The following PLEKHD1 variants were observed in gnomAD, a reference collection of about 807,000 sequenced individuals.
PLEKHD1 encodes the protein pleckstrin homology and coiled-coil domain containing D1, also known as pleckstrin homology domain-containing family D member 1.
PLEKHD1 carries 51 observed loss-of-function variants against 69.2 expected under a neutral mutation model. The observed-to-expected ratio is 0.74, with a 90% CI of 0.59 to 0.93. The LOEUF (loss-of-function observed/expected upper bound fraction) is 0.93, where lower values mean the gene tolerates loss of function less well. Among genes scored for constraint, PLEKHD1 ranks in the 40% least tolerant of loss-of-function variants. PLEKHD1 has a pLI of 0.00. For missense variants in PLEKHD1, 584 were observed against 641.0 expected (o/e 0.91, Z 0.96); for synonymous variants, 236 against 244.7 (o/e 0.96, Z 0.33).
At chr14:69,497,614 C>T (rs574182447) in intron 1 of PLEKHD1, among the ~76,000 whole-genome samples, 27 of 152,208 alleles carry the variant, frequency 1.8e-4, no homozygotes, top group Non-Finnish European at 2.8e-4. Flanking sequence ...TGCAGGACCA[C>T]GCAAGTGTAG....
At position 69,524,311 on chromosome 14, in the gene PLEKHD1, C is replaced by T. The variant is rs1448851924; in HGVS notation, c.733C>T (p.Gln245Ter). 6.4e-7 allele frequency: 1 copy of T among 1,551,480 alleles called. No individual in the cohort carries two copies. The highest frequency in any genetic ancestry group is 1.4e-5 in the African/African-American group (1 of 73,152). Residue 245 changes from glutamine (Q) to a stop codon, truncating the protein, a stop_gained, in exon 8 of 13, where the codon CAG becomes TAG. Coordinates refer to ENST00000322564, the MANE Select transcript of PLEKHD1 (RefSeq NM_001161498.2). LOFTEE classifies it high-confidence loss of function. ...GAGGCACCTCACGGAGTCCTTGCAG[C>T]AGACACTGGAGGTGAGGGGCTGCTG... ...ELRHLTESLQQTLEELSIEKK... is the reference protein window; with the variant it reads ...ELRHLTESLQ
the PLEKHD1 span, among the ~76,000 whole-genome samples, chr14:69,478,197 C>G: frequency 6.6e-6 from 1 of 152,238 alleles, no homozygotes; most frequent in Non-Finnish European, 1.5e-5. Context: ...CCAAGCTCTA[C>G]GTTGTCCCCT....
At chr14:69,500,336 T>C in intron 2 of PLEKHD1, 128 bp downstream of exon 2, 1 of 871,406 alleles carries the variant, frequency 1.1e-6, no homozygotes, top group South Asian at 1.7e-5. Context: ...GCAAATCCTC[T>C]TGGGGCAAAA....
intron 6 of PLEKHD1, among the ~76,000 whole-genome samples, chr14:69,512,782 C>G (rs899031156): frequency 2.6e-5 from 4 of 151,820 alleles, no homozygotes; most frequent in African/African-American, 9.7e-5. Context: ...TATTTGTGGT[C>G]TGGGCACAGT....
chr14:69,525,633 G>A (rs1883627641), intron 8 of PLEKHD1, among the ~76,000 whole-genome samples: 1 of 152,060 alleles, frequency 6.6e-6, no homozygotes, highest in Non-Finnish European at 1.5e-5. Flanking sequence ...TTTCACGTAA[G>A]CCCACTATGT....
the PLEKHD1 span, among the ~76,000 whole-genome samples, chr14:69,474,298 A>G: frequency 6.6e-6 from 1 of 152,208 alleles, no homozygotes; most frequent in Non-Finnish European, 1.5e-5. Context: ...GTTGCTTTCC[A>G]GAAACCCAGA....
chr14:69,513,252 TAAAATAA>T (rs1399541443), intron 6 of PLEKHD1, among the ~76,000 whole-genome samples: 4 of 148,026 alleles, frequency 2.7e-5, no homozygotes, highest in African/African-American at 7.8e-5. Flanking sequence ...AATAATAAAA[TAAAATAA>T]AATAAAATAA....
chr14:69,478,094 C>A, the PLEKHD1 span, among the ~76,000 whole-genome samples: 1 of 152,374 alleles, frequency 6.6e-6, no homozygotes, highest in African/African-American at 2.4e-5. Flanking sequence ...GCAGAGGCTC[C>A]CAAACCTCAA....
chr14:69,526,838 T>C lies in PLEKHD1; in HGVS notation c.1056+9T>C. 1 of 1,529,068 alleles carries C rather than the reference T, an allele frequency of 6.5e-7. No individual in the cohort carries two copies. Among genetic ancestry groups the C allele is most frequent in the Non-Finnish European group, 8.8e-7 (1 of 1,136,956 alleles). 94.7% of individuals were successfully genotyped at this position (1,529,068 alleles called of 1,614,324 possible). A position where few individuals can be genotyped will look rare whatever the true frequency, so the allele number is the denominator to read the frequency against. On this transcript the variant is annotated intron_variant, in intron 10 of 12. Coordinates refer to ENST00000322564, the MANE Select transcript of PLEKHD1 (RefSeq NM_001161498.2). The stretch of plus-strand genomic sequence containing the variant: ...CTGAGCGGGAGCTCAAGGTGCGACC[T>C]GGCCTGCTGGTGCCAGGGCCCTTCC...
chr14:69,515,498 G>T (rs1254378742), intron 6 of PLEKHD1, among the ~76,000 whole-genome samples: 3 of 152,144 alleles, frequency 2.0e-5, no homozygotes, highest in African/African-American at 7.2e-5. Context: ...GGCCATTCTT[G>T]CATTGCTATA....
At chr14:69,507,848 A>G (rs1883185973) in intron 6 of PLEKHD1, among the ~76,000 whole-genome samples, 1 of 152,114 alleles carries the variant, frequency 6.6e-6, no homozygotes, top group Non-Finnish European at 1.5e-5. Flanking sequence ...AGCTGGGACT[A>G]TAGGTGCACT....
Position 69,528,558 on chromosome 14 carries a change from T to TG in PLEKHD1, c.*144dup. 8.4e-7 allele frequency: 1 copy of TG among 1,193,158 alleles called. No homozygotes were observed. Among genetic ancestry groups the TG allele is most frequent in the Non-Finnish European group, 1.1e-6 (1 of 877,104 alleles). The allele number at this position is 1,193,158 out of a possible 1,614,324, so 73.9% of individuals were successfully genotyped here. A position where few individuals can be genotyped will look rare whatever the true frequency, so the allele number is the denominator to read the frequency against. On this transcript the variant is annotated 3_prime_UTR_variant, in exon 13 of 13. Coordinates refer to ENST00000322564, the MANE Select transcript of PLEKHD1 (RefSeq NM_001161498.2). ...GTCTCCTCTGGGCCGGAGCTCCACT[T>TG]GGGGGCCAGCCTTGCCCTCAAAGGA... is the stretch of plus-strand genomic sequence containing the variant.
In PLEKHD1 at chr14:69,528,635, A is replaced by G; in HGVS notation, c.*216A>G. The G allele has an allele frequency of 1.6e-6, 1 of 642,572 alleles. No individual in the cohort carries two copies. Among genetic ancestry groups the G allele is most frequent in the South Asian group, 2.0e-5 (1 of 50,072 alleles). The allele number at this position is 642,572 out of a possible 1,614,324, so 39.8% of individuals were successfully genotyped here. A position where few individuals can be genotyped will look rare whatever the true frequency, so the allele number is the denominator to read the frequency against. ...CCCCACACCCCACCTTTGGGTCCAC[A>G]CCAGGGCCATGCAGGCCTGAGCTGG... On this transcript the variant is annotated 3_prime_UTR_variant, in exon 13 of 13. Transcript: ENST00000322564.
intron 1 of PLEKHD1, among the ~76,000 whole-genome samples, chr14:69,495,478 G>A (rs761731560): frequency 3.2e-4 from 48 of 152,176 alleles, no homozygotes; most frequent in Admixed American, 3.3e-4. Flanking sequence ...CCTCCTCTCT[G>A]CTTCATTTCT....
chr14:69,513,261 A>ATAAAATAAAATAAAT (rs1206114522), intron 6 of PLEKHD1, among the ~76,000 whole-genome samples: 2 of 151,730 alleles, frequency 1.3e-5, no homozygotes, highest in Non-Finnish European at 2.9e-5. Flanking sequence ...ATAAAATAAA[A>ATAAAATAAAATAAAT]TAAAATAAAA....
chr14:69,483,968 C>T (rs774240963), upstream of PLEKHD1, among the ~76,000 whole-genome samples: 17 of 152,356 alleles, frequency 1.1e-4, no homozygotes, highest in Non-Finnish European at 2.2e-4. Flanking sequence ...CCAGGGAGCG[C>T]GGGCCAGGCG....
chr14:69,520,825 G>A lies in PLEKHD1; in HGVS notation c.556-1458G>A, dbSNP rs1376016958. Among the ~76,000 whole-genome samples the A allele has an allele frequency of 3.9e-5, 6 of 152,210 alleles. No individual in the cohort carries two copies. The South Asian group carries it at 6.2e-4, about 16-fold the overall frequency. On this transcript the variant is annotated intron_variant, in intron 6 of 12. Transcript: ENST00000322564. ...GTTGCCATGGCAGGGGGAAGGGAAC[G>A]TAGCACATCATGCATTGCCTCTTAA... is the stretch of plus-strand genomic sequence containing the variant.
At chr14:69,522,615 G>A (rs933397271) in intron 7 of PLEKHD1, among the ~76,000 whole-genome samples, 43 of 152,066 alleles carry the variant, frequency 2.8e-4, no homozygotes, top group African/African-American at 1.0e-3. Flanking sequence ...TAGAGCATAA[G>A]GCAATGGAGC....
chr14:69,515,213 CAACA>C (rs1207295578), intron 6 of PLEKHD1, among the ~76,000 whole-genome samples: 1 of 152,066 alleles, frequency 6.6e-6, no homozygotes, highest in Admixed American at 6.6e-5. Context: ...ACCAACCAAC[CAACA>C]AACAAAAAAA....
Sources: gnomAD v4.1 joint callset for allele counts (sites outside exome capture counted in the v4.1 genomes callset) on GRCh38, gnomAD v4.1.1 for gene constraint, MANE v1.5 for transcripts, NCBI Gene and HGNC (gene_info 2026-07-23, HGNC 2026-07-21) for gene names.